BICC1: variants seen among roughly 807,000 people sequenced by gnomAD.
BICC1 encodes the protein protein bicaudal C homolog 1.
BICC1 carries 43 observed loss-of-function variants against 111.0 expected under a neutral mutation model. The observed-to-expected ratio is 0.39, with a 90% CI of 0.30 to 0.50. The LOEUF (loss-of-function observed/expected upper bound fraction) is 0.50. BICC1 is among the 20% of genes least tolerant of loss of function. The probability of loss-of-function intolerance (pLI) is 0.88; values close to 1 mark genes in which losing one functional copy is unlikely to be tolerated. For missense variants in BICC1, 1,091 were observed against 1,203.2 expected (o/e 0.91, Z 1.38); for synonymous variants, 467 against 434.4 (o/e 1.07, Z -0.93).
chr10:58,515,286 G>C (rs753688758), intron 1 of BICC1, among the ~76,000 whole-genome samples: 1 of 152,108 alleles, frequency 6.6e-6, no homozygotes, highest in Admixed American at 6.5e-5. Context: ...ACTACGACTG[G>C]GATACCTTGT....
At chr10:58,566,654 A>G (rs745741946) in intron 1 of BICC1, among the ~76,000 whole-genome samples, 1 of 151,884 alleles carries the variant, frequency 6.6e-6, no homozygotes. Context: ...CCGTATCCCC[A>G]TCATCATCTA....
chr10:58,536,865 A>G (rs1032638940), intron 1 of BICC1, among the ~76,000 whole-genome samples: 1 of 151,736 alleles, frequency 6.6e-6, no homozygotes, highest in African/African-American at 2.4e-5. Context: ...GTGAAAATGG[A>G]GACATTACAA....
At chr10:58,801,446 T>C (rs1255639625) in intron 14 of BICC1, among the ~76,000 whole-genome samples, 1 of 152,208 alleles carries the variant, frequency 6.6e-6, no homozygotes, top group Non-Finnish European at 1.5e-5. Context: ...TTTCCCAAGG[T>C]AGTTAATTGC....
chr10:58,754,410 A>G (rs1168169369), intron 3 of BICC1, among the ~76,000 whole-genome samples: 10 of 152,238 alleles, frequency 6.6e-5, no homozygotes, highest in Non-Finnish European at 1.5e-4. Context: ...GGATAATCCA[A>G]AAGTTGAAAA....
intron 2 of BICC1, among the ~76,000 whole-genome samples, chr10:58,655,332 ATTTG>A (rs2132266830): frequency 7.1e-6 from 1 of 140,334 alleles, no homozygotes; most frequent in African/African-American, 2.6e-5. Flanking sequence ...ATGTTCTTCA[ATTTG>A]TTTGTATCCT....
At chr10:58,640,909 G>T (rs771584925) in intron 2 of BICC1, among the ~76,000 whole-genome samples, 16 of 152,248 alleles carry the variant, frequency 1.1e-4, no homozygotes, top group Non-Finnish European at 1.9e-4. Context: ...TTCATCACTT[G>T]CTTTGGATAG....
At chr10:58,701,674 T>G (rs528752439) in intron 2 of BICC1, among the ~76,000 whole-genome samples, 1 of 152,190 alleles carries the variant, frequency 6.6e-6, no homozygotes, top group East Asian at 1.9e-4. Context: ...TCATGCAGTT[T>G]TGTATTACAG....
intron 1 of BICC1, among the ~76,000 whole-genome samples, chr10:58,617,665 G>A (rs1352673387): frequency 6.6e-6 from 1 of 152,256 alleles, no homozygotes; most frequent in Admixed American, 6.5e-5. Context: ...GATCACCAAG[G>A]TGGTGACACC....
intron 2 of BICC1, among the ~76,000 whole-genome samples, chr10:58,691,280 A>C (rs760413257): frequency 1.3e-4 from 20 of 152,206 alleles, no homozygotes; most frequent in Admixed American, 3.3e-4. Context: ...GTTGTATTCA[A>C]GTTATATACA....
chr10:58,779,756 G>A (rs748765068), intron 3 of BICC1, among the ~76,000 whole-genome samples: 4 of 152,134 alleles, frequency 2.6e-5, no homozygotes, highest in Admixed American at 6.6e-5. Flanking sequence ...ATCTGTAGTC[G>A]ATTGCCACGT....
intron 2 of BICC1, among the ~76,000 whole-genome samples, chr10:58,697,099 G>A (rs567801647): frequency 6.6e-6 from 1 of 152,178 alleles, no homozygotes; most frequent in Admixed American, 6.5e-5. Context: ...CAACTGGGAG[G>A]CATCAGCGTC....
Position 58,789,864 on chromosome 10 carries a change from A to G in BICC1, c.978A>G (p.Pro326=), listed in dbSNP as rs750035111. The part of the protein sequence containing the change: ...AQIHFPDPSN[P]QKKSTVYLQG... The stretch of plus-strand genomic sequence containing the variant: ...TCCACTTTCCTGATCCCAGTAATCC[A>G]CAAAAGAAATCTACCGTCTACCTCC... Residue 326 remains proline (P), a synonymous_variant, in exon 8 of 21, where the codon CCA becomes CCG. Transcript: ENST00000373886. 6 of 1,614,184 alleles carry G rather than the reference A, an allele frequency of 3.7e-6. No individual in the cohort carries two copies. In the South Asian group the frequency reaches 6.6e-5, roughly 18 times the overall value.
intron 15 of BICC1, among the ~76,000 whole-genome samples, chr10:58,803,650 G>C (rs576547591): frequency 1.3e-5 from 2 of 152,140 alleles, no homozygotes; most frequent in Non-Finnish European, 2.9e-5. Flanking sequence ...GCCATTTAAA[G>C]ATAGTTATGA....
chr10:58,589,682 TC>T (rs1190868535), intron 1 of BICC1, among the ~76,000 whole-genome samples: 4 of 152,086 alleles, frequency 2.6e-5, no homozygotes, highest in African/African-American at 9.7e-5. Context: ...CGCTATGTTG[TC>T]CAGGCCAGTC....
intron 15 of BICC1, among the ~76,000 whole-genome samples, chr10:58,804,781 T>C (rs889920066): frequency 2.0e-5 from 3 of 152,172 alleles, no homozygotes; most frequent in South Asian, 2.1e-4. Context: ...TTTATGTTGT[T>C]AGTGAACAGT....
chr10:58,654,850 G>A (rs1838579482), intron 2 of BICC1, among the ~76,000 whole-genome samples: 2 of 117,162 alleles, frequency 1.7e-5, no homozygotes, highest in African/African-American at 3.1e-5. Flanking sequence ...ATCTTGAATT[G>A]ATTTTTGTAT....
At chr10:58,775,329 G>A (rs1214357364) in intron 3 of BICC1, among the ~76,000 whole-genome samples, 2 of 151,662 alleles carry the variant, frequency 1.3e-5, no homozygotes, top group African/African-American at 2.4e-5. Flanking sequence ...AGCTGAGATC[G>A]TGCCACTGCA....
chr10:58,784,544 A>T (rs1842959371), intron 3 of BICC1, among the ~76,000 whole-genome samples: 1 of 152,152 alleles, frequency 6.6e-6, no homozygotes, highest in Admixed American at 6.6e-5. Context: ...GTTTTCTGGG[A>T]GAAGTTACGA....
At chr10:58,787,664 A>G (rs112669789) in intron 5 of BICC1, among the ~76,000 whole-genome samples, 220 of 152,342 alleles carry the variant, frequency 1.4e-3, no homozygotes, top group African/African-American at 5.1e-3. Flanking sequence ...ACTAGTTACA[A>G]TACTAGAAAC....
Sources: gnomAD v4.1 joint callset for allele counts (sites outside exome capture counted in the v4.1 genomes callset) on GRCh38, gnomAD v4.1.1 for gene constraint, MANE v1.5 for transcripts, NCBI Gene and HGNC (gene_info 2026-07-23, HGNC 2026-07-21) for gene names.